Variants in COL5A2 observed in about 807,000 individuals in gnomAD.
The protein encoded by COL5A2 is collagen alpha-2(V) chain.
COL5A2 carries 23 observed loss-of-function variants against 208.2 expected under a neutral mutation model. The observed-to-expected ratio is 0.11, with a 90% CI of 0.08 to 0.16. The LOEUF is 0.16. Among genes scored for constraint, COL5A2 ranks in the 10% least tolerant of loss-of-function variants. COL5A2 has a pLI of 1.00. For synonymous variants in COL5A2, 625 were observed against 628.5 expected (o/e 0.99, Z 0.08); for missense variants, 1,590 against 1,956.4 (o/e 0.81, Z 3.53).
chr2:189,272,014 A>C, the COL5A2 span, among the ~76,000 whole-genome samples: 3 of 152,118 alleles, frequency 2.0e-5, no homozygotes, highest in Non-Finnish European at 4.4e-5. Flanking sequence ...AAAACAACAG[A>C]TGCTGGAGAG....
chr2:189,052,284 T>A, intron 40 of COL5A2, 59 bp from the exon 41 acceptor site: 1 of 1,516,534 alleles, frequency 6.6e-7, no homozygotes, highest in Non-Finnish European at 9.1e-7. Context: ...TTACATGTAT[T>A]TTCCTGGGAT....
the COL5A2 span, among the ~76,000 whole-genome samples, chr2:189,360,462 T>C: frequency 0.19 from 29,173 of 152,110 alleles, 3,111 homozygotes; most frequent in South Asian, 0.26. Flanking sequence ...TAGGAAATTT[T>C]TAATTTCTTT....
intron 26 of COL5A2, 145 bp from the exon 27 acceptor site, chr2:189,063,415 AT>A (rs1686078472): frequency 2.8e-6 from 2 of 725,860 alleles, no homozygotes; most frequent in Admixed American, 4.5e-5. Flanking sequence ...GGACAGTTGA[AT>A]GGGTTTTTTA....
chr2:189,145,714 A>G, intron 1 of COL5A2, among the ~76,000 whole-genome samples: 1 of 152,130 alleles, frequency 6.6e-6, no homozygotes, highest in East Asian at 1.9e-4. Context: ...TTTCTAAGCT[A>G]CTTAGAGTAT....
chr2:189,054,495 T>C (rs1685859278), intron 35 of COL5A2, among the ~76,000 whole-genome samples: 1 of 152,214 alleles, frequency 6.6e-6, no homozygotes, highest in Non-Finnish European at 1.5e-5. Context: ...ACTACATTAA[T>C]GCTAAGCTAC....
intron 9 of COL5A2, among the ~76,000 whole-genome samples, 200 bp downstream of exon 9, chr2:189,086,526 A>G (rs968787833): frequency 6.6e-6 from 1 of 152,210 alleles, no homozygotes; most frequent in African/African-American, 2.4e-5. Flanking sequence ...AGATGATAAA[A>G]ATTTATCCCA....
chr2:189,139,439 T>A (rs947231709), intron 1 of COL5A2, among the ~76,000 whole-genome samples: 38 of 152,074 alleles, frequency 2.5e-4, no homozygotes, highest in African/African-American at 8.9e-4. Context: ...GTACAAAATA[T>A]CAGGCCAGTA....
At chr2:189,434,853 G>T in the COL5A2 span, among the ~76,000 whole-genome samples, 11 of 152,214 alleles carry the variant, frequency 7.2e-5, no homozygotes, top group Non-Finnish European at 1.2e-4. Flanking sequence ...AACCAAAAAA[G>T]AGCCCTCATT....
At chr2:189,186,344 A>G (rs1291310720) in intron 1 of COL5A2, among the ~76,000 whole-genome samples, 1 of 152,136 alleles carries the variant, frequency 6.6e-6, no homozygotes, top group Non-Finnish European at 1.5e-5. Flanking sequence ...TTGTGAATAT[A>G]CTTTTTTCTC....
intron 36 of COL5A2, 49 bp downstream of exon 36, chr2:189,054,110 A>G (rs746636643): frequency 1.3e-6 from 2 of 1,521,774 alleles, no homozygotes; most frequent in Non-Finnish European, 1.8e-6. Context: ...AGAGCCTGCT[A>G]TTCAGGACTC....
the COL5A2 span, among the ~76,000 whole-genome samples, chr2:189,338,011 T>C: frequency 2.0e-5 from 3 of 152,250 alleles, no homozygotes; most frequent in African/African-American, 4.8e-5. Flanking sequence ...AAAGATGATA[T>C]GTTTGGTTGT....
the COL5A2 span, among the ~76,000 whole-genome samples, chr2:189,247,389 G>A: frequency 6.6e-6 from 1 of 152,168 alleles, no homozygotes; most frequent in Non-Finnish European, 1.5e-5. Context: ...ACAGGATTGT[G>A]AAACATGCAC....
At chr2:189,363,224 C>G in the COL5A2 span, among the ~76,000 whole-genome samples, 7 of 152,126 alleles carry the variant, frequency 4.6e-5, no homozygotes, top group Admixed American at 4.6e-4. Flanking sequence ...ATGGTGAAAT[C>G]CTTGTCTTCT....
At chr2:189,098,843 C>G in intron 4 of COL5A2, 84 bp from the exon 5 acceptor site, 1 of 950,590 alleles carries the variant, frequency 1.1e-6, no homozygotes, top group East Asian at 2.5e-5. Context: ...AGAATAACAA[C>G]AAAAACCACA....
At chr2:189,420,964 T>C in the COL5A2 span, among the ~76,000 whole-genome samples, 1 of 152,234 alleles carries the variant, frequency 6.6e-6, no homozygotes, top group Admixed American at 6.5e-5. Flanking sequence ...AATTTAAATA[T>C]ATTTGAAATA....
chr2:189,311,160 G>A, the COL5A2 span: 10 of 677,222 alleles, frequency 1.5e-5, no homozygotes, highest in South Asian at 1.0e-4. Flanking sequence ...CCCCAGCACT[G>A]CACAGCCACT....
chr2:189,069,752 T>G (rs182765186), intron 18 of COL5A2, among the ~76,000 whole-genome samples: 106 of 152,330 alleles, frequency 7.0e-4, no homozygotes, highest in Admixed American at 5.6e-3. Flanking sequence ...AATTGTTTCC[T>G]TGCTATATAA....
At position 189,043,135 on chromosome 2, in the gene COL5A2, T is replaced by C; in HGVS notation, c.3471+16A>G. On this transcript the variant is annotated intron_variant, in intron 48 of 53. Transcript: ENST00000374866. ...TTCAACTACAGGGCAGAATAATACTTAAAGGAATAACTTACAGGAGGGCCA... is the reference window on the plus strand; with the variant it reads ...TTCAACTACAGGGCAGAATAATACTCAAAGGAATAACTTACAGGAGGGCCA... The C allele has an allele frequency of 3.8e-6, 6 of 1,590,942 alleles. No individual in the cohort carries two copies. The highest frequency in any genetic ancestry group is 5.2e-6 in the Non-Finnish European group (6 of 1,160,194).
chr2:189,287,287 A>G, the COL5A2 span, among the ~76,000 whole-genome samples: 1 of 152,164 alleles, frequency 6.6e-6, no homozygotes, highest in Admixed American at 6.6e-5. Context: ...AAATTTTTTT[A>G]CAAAAATTTT....
Sources: allele counts gnomAD v4.1 joint callset (sites outside exome capture counted in the v4.1 genomes callset), GRCh38; gene constraint gnomAD v4.1.1; transcripts MANE v1.5; gene names NCBI Gene and HGNC (gene_info 2026-07-23, HGNC 2026-07-21).